Variants in PGS1 observed in about 807,000 individuals in gnomAD.
PGS1 encodes phosphatidylglycerophosphate synthase 1.
PGS1 carries 44 observed loss-of-function variants against 58.3 expected under a neutral mutation model. The ratio of observed to expected loss-of-function variants is 0.75; its 90% CI spans 0.59 to 0.97. The LOEUF is 0.97. Ranked by LOEUF, PGS1 falls within the 50% of genes least tolerant of loss-of-function variation. The pLI is 0.00. For synonymous variants in PGS1, 330 were observed against 311.0 expected, an observed-to-expected ratio of 1.06 and a Z score of -0.64; for missense variants, 684 against 731.1, an observed-to-expected ratio of 0.94 and a Z score of 0.74.
Position 78,400,663 on chromosome 17 carries a change from T to C in PGS1, c.702-14T>C. 6.2e-7 allele frequency: 1 copy of C among 1,613,118 alleles called. No homozygotes were observed. Among genetic ancestry groups the C allele is most frequent in the Non-Finnish European group, 8.5e-7 (1 of 1,179,442 alleles). On this transcript the variant is annotated splice_polypyrimidine_tract_variant and intron_variant, in intron 5 of 9. Transcript: ENST00000262764. This position sits in a 1 kb window ranked among gnomAD's most constrained non-coding sequence, Gnocchi z 4.4. Reference sequence around the variant, plus strand: ...TGCCTGAGTCCTCCTCACCTGCATCTTCCCTCCCTGTAGTGCAAACCTGAG... The same window carrying C: ...TGCCTGAGTCCTCCTCACCTGCATCCTCCCTCCCTGTAGTGCAAACCTGAG...
At chr17:78,379,916 G>A (rs2081919186) in intron 1 of PGS1, among the ~76,000 whole-genome samples, 1 of 151,270 alleles carries the variant, frequency 6.6e-6, no homozygotes. Context: ...GCCCAGACTG[G>A]AGTGCAATGG....
chr17:78,392,268 A>G (rs1284297793), intron 1 of PGS1, among the ~76,000 whole-genome samples: 2 of 152,222 alleles, frequency 1.3e-5, no homozygotes, highest in African/African-American at 4.8e-5. Context: ...TCTTTAAGGA[A>G]TAAGAGGAAA....
In PGS1 at chr17:78,419,494, G is replaced by A; in HGVS notation, c.1552-52G>A. 2.6e-6 allele frequency: 4 copies of A among 1,514,304 alleles called. No homozygotes were observed. The Middle Eastern group carries it at 6.0e-4, about 226-fold the overall frequency. 93.8% of individuals were successfully genotyped at this position (1,514,304 alleles called of 1,614,324 possible). ...TGGGCTGGGGCCAGCCGGCCATGTG[G>A]TGTGGTGCTGGAGGGGACTCCTCAC... On this transcript the variant is annotated intron_variant, in intron 8 of 9. Transcript: ENST00000262764.
intron 1 of PGS1, among the ~76,000 whole-genome samples, chr17:78,379,890 C>T (rs2081917118): frequency 6.7e-6 from 1 of 148,684 alleles, no homozygotes; most frequent in Non-Finnish European, 1.5e-5. Flanking sequence ...TTTTTTGAGA[C>T]GGAGTTTCAC....
At chr17:78,409,836 C>CGT (rs2084478098) in intron 7 of PGS1, among the ~76,000 whole-genome samples, 1 of 152,204 alleles carries the variant, frequency 6.6e-6, no homozygotes, top group South Asian at 2.1e-4. Context: ...AAAGGCCTGG[C>CGT]GTGGTGGCTC....
At chr17:78,414,069 A>G (rs1393988214) in intron 7 of PGS1, among the ~76,000 whole-genome samples, 1 of 152,150 alleles carries the variant, frequency 6.6e-6, no homozygotes, top group African/African-American at 2.4e-5. Context: ...TCCAGCCAGG[A>G]AGTCCCTGGG....
At chr17:78,394,302 A>G (rs1391092774) in intron 2 of PGS1, among the ~76,000 whole-genome samples, 2 of 150,882 alleles carry the variant, frequency 1.3e-5, no homozygotes, top group Non-Finnish European at 2.9e-5. Context: ...AAATGAACTC[A>G]CTCATTTGAG....
At chr17:78,423,080 A>G (rs2086049586) in intron 9 of PGS1, among the ~76,000 whole-genome samples, 1 of 147,288 alleles carries the variant, frequency 6.8e-6, no homozygotes, top group Admixed American at 6.9e-5. Flanking sequence ...CCTGGGCGAC[A>G]AGAGTGAAAC....
chr17:78,405,390 A>G (rs745739561), intron 7 of PGS1, among the ~76,000 whole-genome samples: 1 of 151,900 alleles, frequency 6.6e-6, no homozygotes, highest in Non-Finnish European at 1.5e-5. Context: ...CACTATTGCT[A>G]TTGTTTTTTT....
At chr17:78,397,656 A>C (rs1598300323) in intron 3 of PGS1, among the ~76,000 whole-genome samples, 1 of 136,492 alleles carries the variant, frequency 7.3e-6, no homozygotes, top group African/African-American at 2.5e-5. Flanking sequence ...GCTGGTCTTA[A>C]ACTCCTGACC....
At chr17:78,404,848 T>G (rs1434768087) in intron 7 of PGS1, among the ~76,000 whole-genome samples, 1 of 152,056 alleles carries the variant, frequency 6.6e-6, no homozygotes, top group African/African-American at 2.4e-5. Flanking sequence ...TTAGTAGAGA[T>G]TGGGTTTCTC....
intron 7 of PGS1, among the ~76,000 whole-genome samples, chr17:78,410,301 C>G (rs1399122203): frequency 3.4e-5 from 5 of 147,514 alleles, no homozygotes; most frequent in African/African-American, 4.9e-5. Flanking sequence ...TGGTTACAGC[C>G]GCCTGTAATC....
At chr17:78,410,327 G>A (rs905294514) in intron 7 of PGS1, among the ~76,000 whole-genome samples, 2 of 151,992 alleles carry the variant, frequency 1.3e-5, no homozygotes, top group African/African-American at 4.8e-5. Context: ...TACTCAGGAG[G>A]CTGAGGTGGG....
At chr17:78,397,772 G>A (rs2083351336) in intron 3 of PGS1, among the ~76,000 whole-genome samples, 1 of 152,198 alleles carries the variant, frequency 6.6e-6, no homozygotes, top group East Asian at 1.9e-4. Context: ...TCCACTCCAA[G>A]CCTGGAAGCC....
At chr17:78,420,637 A>G (rs1173879215) in intron 9 of PGS1, 1 of 152,096 alleles carries the variant, frequency 6.6e-6, no homozygotes, top group African/African-American at 2.4e-5. Flanking sequence ...GGGCTCCCTT[A>G]GTGCCTGGCA....
chr17:78,398,835 T>G (rs897897026), intron 4 of PGS1, among the ~76,000 whole-genome samples: 1 of 152,230 alleles, frequency 6.6e-6, no homozygotes, highest in African/African-American at 2.4e-5. Context: ...CCCTGGTGGC[T>G]TAGGCTTGTC....
At chr17:78,422,704 T>C (rs2085979175) in intron 9 of PGS1, among the ~76,000 whole-genome samples, 1 of 152,166 alleles carries the variant, frequency 6.6e-6, no homozygotes, top group South Asian at 2.1e-4. Context: ...TTTGCCACGT[T>C]GCCCAGGCTG....
rs560834956 is a variant in PGS1 at position 78,388,866 on chromosome 17, G to T, written c.144-3610G>T. Among the ~76,000 whole-genome samples, 9 of 152,240 alleles carry T rather than the reference G, an allele frequency of 5.9e-5. No individual in the cohort carries two copies. The South Asian group carries it at 1.9e-3, about 32-fold the overall frequency. ...AGCATCTTTTCTTGTGTTCTTAGAT[G>T]ATGTCAGGTGTGTAAGTCTGTGAGG... On this transcript the variant is annotated intron_variant, in intron 1 of 9. Coordinates refer to ENST00000262764, the MANE Select transcript of PGS1 (RefSeq NM_024419.5).
At chr17:78,395,839 A>G (rs1391446162) in intron 2 of PGS1, among the ~76,000 whole-genome samples, 1 of 152,204 alleles carries the variant, frequency 6.6e-6, no homozygotes, top group Non-Finnish European at 1.5e-5. Flanking sequence ...CCTGGGTTCA[A>G]GTGACTCTTC....
Sources: gnomAD v4.1 joint callset for allele counts (sites outside exome capture counted in the v4.1 genomes callset) on GRCh38, gnomAD v4.1.1 for gene constraint, Gnocchi (gnomAD v3.1) non-coding constraint, MANE v1.5 for transcripts, NCBI Gene and HGNC (gene_info 2026-07-23, HGNC 2026-07-21) for gene names.